Variants in PLCE1 observed in about 807,000 individuals in gnomAD.
PLCE1 encodes 1-phosphatidylinositol 4,5-bisphosphate phosphodiesterase epsilon-1.
Under a neutral mutation model 242.8 loss-of-function variants are expected in PLCE1, and 119 were observed. The observed-to-expected ratio is 0.49, with a 90% CI of 0.42 to 0.57. The LOEUF is 0.57. PLCE1 is among the 20% of genes least tolerant of loss of function. The pLI, the probability that PLCE1 is intolerant of heterozygous loss-of-function variation, is 0.00. For synonymous variants in PLCE1, 945 were observed against 1,017.4 expected (o/e 0.93, Z 1.35); for missense variants, 2,441 against 2,788.8 (o/e 0.88, Z 2.81).
At chr10:94,166,341 G>T (rs1284471442) in intron 3 of PLCE1, among the ~76,000 whole-genome samples, 2 of 152,020 alleles carry the variant, frequency 1.3e-5, no homozygotes, top group Non-Finnish European at 2.9e-5. Context: ...ATTTTGTTTT[G>T]CCTCTCAAGA....
Position 94,324,577 on chromosome 10 carries a change from A to G in PLCE1, c.6720+10A>G, listed in dbSNP as rs752683058. 12 of 1,602,638 alleles carry G rather than the reference A, an allele frequency of 7.5e-6. No homozygotes were observed. Among genetic ancestry groups the G allele is most frequent in the Non-Finnish European group, 8.5e-6 (10 of 1,169,924 alleles). ...AAAGGAGCAGGTGCAGGTAAAGTTT[A>G]AAGTTATTTTGCTCTGTTCTTAAGT... On this transcript the variant is annotated intron_variant, in intron 31 of 32. Coordinates refer to ENST00000371380, the MANE Select transcript of PLCE1 (RefSeq NM_016341.4).
chr10:94,235,639 C>T (rs2050296639), intron 6 of PLCE1: 1 of 728,110 alleles, frequency 1.4e-6, no homozygotes, highest in Non-Finnish European at 1.7e-6. Flanking sequence ...CTAATCTTCT[C>T]CTTAGGGAGC....
intron 5 of PLCE1, among the ~76,000 whole-genome samples, chr10:94,229,589 T>G (rs1321010512): frequency 6.6e-6 from 1 of 152,202 alleles, no homozygotes; most frequent in Non-Finnish European, 1.5e-5. Flanking sequence ...GGAGGCTGGC[T>G]GCCACATACC....
In PLCE1 at chr10:94,273,728, CCT is replaced by C; in HGVS notation, c.4665+11_4665+12del. ...GATATCTTAAAGCAAAAGGTACTCCCCTCTGTTAAACCAGTTATGAAAAGGCA... is the reference window on the plus strand; with the variant it reads ...GATATCTTAAAGCAAAAGGTACTCCCCTGTTAAACCAGTTATGAAAAGGCA... On this transcript the variant is annotated intron_variant, in intron 19 of 32. Transcript: ENST00000371380. The C allele has an allele frequency of 6.2e-7, 1 of 1,612,770 alleles. No homozygotes were observed. The highest frequency in any genetic ancestry group is 8.5e-7 in the Non-Finnish European group (1 of 1,178,906).
intron 1 of PLCE1, among the ~76,000 whole-genome samples, chr10:94,003,591 C>T (rs1363710034): frequency 1.5e-4 from 4 of 26,272 alleles, no homozygotes; most frequent in Non-Finnish European, 2.6e-4. Flanking sequence ...TCATCAAATG[C>T]GAGAATTAAA....
chr10:94,294,938 C>T (rs1004949179), intron 23 of PLCE1, among the ~76,000 whole-genome samples: 3 of 115,134 alleles, frequency 2.6e-5, no homozygotes, highest in African/African-American at 1.0e-4. Context: ...TTTTTTGAGA[C>T]GGAGTCTTGC....
chr10:94,117,528 G>T (rs1426324373), intron 2 of PLCE1, among the ~76,000 whole-genome samples: 1 of 152,156 alleles, frequency 6.6e-6, no homozygotes, highest in Admixed American at 6.5e-5. Context: ...TACTGGTAAT[G>T]TCCATTATAT....
At position 94,236,140 on chromosome 10, in the gene PLCE1, A is replaced by G; in HGVS notation, c.2420+20A>G. On this transcript the variant is annotated intron_variant, in intron 7 of 32. Coordinates refer to ENST00000371380, the MANE Select transcript of PLCE1 (RefSeq NM_016341.4). Reference sequence around the variant, plus strand: ...ATGGCAGTAAGTTTTACACGTTAAAAGTGAGGAATGCTCATCTCTTCTTTT... The same window carrying G: ...ATGGCAGTAAGTTTTACACGTTAAAGGTGAGGAATGCTCATCTCTTCTTTT... The G allele has an allele frequency of 6.3e-7, 1 of 1,595,044 alleles. No homozygotes were observed.
chr10:94,017,547 G>C (rs2061304048), intron 1 of PLCE1, among the ~76,000 whole-genome samples: 10 of 152,130 alleles, frequency 6.6e-5, no homozygotes, highest in Admixed American at 6.5e-4. Flanking sequence ...TCATTGATGG[G>C]CATCCATGAG....
At chr10:94,093,722 T>G (rs1042420727) in intron 2 of PLCE1, among the ~76,000 whole-genome samples, 1 of 152,142 alleles carries the variant, frequency 6.6e-6, no homozygotes, top group African/African-American at 2.4e-5. Context: ...AGGTGCTCTG[T>G]TCTCTGCTTT....
rs868634747 is a variant in PLCE1 at position 94,304,646 on chromosome 10, G to GT, written c.5622+2dup. ...GGATCCTGCAGTCTATTCTTTAACT[G>GT]TAAGTACGGCCCCTAGAGAAAGAAC... On this transcript the variant is annotated splice_donor_variant, in intron 25 of 32. Transcript: ENST00000371380. LOFTEE classifies it high-confidence loss of function. 2.5e-6 allele frequency: 4 copies of GT among 1,613,746 alleles called. No homozygotes were observed. Among genetic ancestry groups the GT allele is most frequent in the African/African-American group, 2.7e-5 (2 of 74,924 alleles).
chr10:94,321,439 C>G (rs1372644725), intron 29 of PLCE1, among the ~76,000 whole-genome samples: 5 of 152,176 alleles, frequency 3.3e-5, no homozygotes, highest in African/African-American at 9.6e-5. Context: ...CAAGACCAGC[C>G]TGGCCAGCAT....
intron 2 of PLCE1, among the ~76,000 whole-genome samples, chr10:94,037,336 T>C (rs1196902786): frequency 1.3e-5 from 2 of 152,134 alleles, no homozygotes; most frequent in East Asian, 1.9e-4. Flanking sequence ...ATCTTCTGAG[T>C]TGTAATTTTT....
chr10:94,242,859 T>A lies in PLCE1; in HGVS notation c.2421-3087T>A, dbSNP rs554884522. Among the ~76,000 whole-genome samples, 5 of 152,252 alleles carry A rather than the reference T, an allele frequency of 3.3e-5. No individual in the cohort carries two copies. In the East Asian group the frequency reaches 9.6e-4, roughly 29 times the overall value. ...TCACATTATAAATCACCCAAAGTAT[T>A]AAATTAATATTCATGAGCTCATACT... On this transcript the variant is annotated intron_variant, in intron 7 of 32. Transcript: ENST00000371380.
rs530569440 is a variant in PLCE1 at position 94,097,957 on chromosome 10, G to T, written c.1207-34217G>T. On this transcript the variant is annotated intron_variant, in intron 2 of 32. Coordinates refer to ENST00000371380, the MANE Select transcript of PLCE1 (RefSeq NM_016341.4). Reference sequence around the variant, plus strand: ...TTCTGACCTACAGCAGTGGACAGGCGACAGAGATGAGATTATGGAGACAGT... The same window carrying T: ...TTCTGACCTACAGCAGTGGACAGGCTACAGAGATGAGATTATGGAGACAGT... Among the ~76,000 whole-genome samples the T allele has an allele frequency of 7.2e-5, 11 of 152,316 alleles. No individual in the cohort carries two copies. The South Asian group carries it at 2.3e-3, about 32-fold the overall frequency.
intron 2 of PLCE1, among the ~76,000 whole-genome samples, chr10:94,060,607 T>C (rs941294572): frequency 1.3e-5 from 2 of 152,120 alleles, no homozygotes; most frequent in Non-Finnish European, 2.9e-5. Flanking sequence ...GACTCTCTGA[T>C]TGCAAAGTAG....
At chr10:94,243,257 GA>G (rs376754823) in intron 7 of PLCE1, among the ~76,000 whole-genome samples, 57 of 152,100 alleles carry the variant, frequency 3.7e-4, no homozygotes, top group African/African-American at 1.2e-3. Flanking sequence ...TCTAGTTATG[GA>G]AAAAATATCA....
chr10:94,194,524 G>A (rs2048760742), intron 4 of PLCE1, among the ~76,000 whole-genome samples: 2 of 152,208 alleles, frequency 1.3e-5, no homozygotes, highest in African/African-American at 4.8e-5. Flanking sequence ...TGTACAGGAA[G>A]AGGCAAAGAC....
chr10:94,066,116 G>A (rs2044189605), intron 2 of PLCE1, among the ~76,000 whole-genome samples: 1 of 152,156 alleles, frequency 6.6e-6, no homozygotes, highest in African/African-American at 2.4e-5. Context: ...TCTATGTGGA[G>A]ACAGCAAACT....
Sources: allele counts gnomAD v4.1 joint callset (sites outside exome capture counted in the v4.1 genomes callset), GRCh38; gene constraint gnomAD v4.1.1; transcripts MANE v1.5; gene names NCBI Gene and HGNC (gene_info 2026-07-23, HGNC 2026-07-21).